The following RUNX1 variants were observed in gnomAD, a reference collection of about 807,000 sequenced individuals.
RUNX1 encodes the protein runt-related transcription factor 1.
RUNX1 carries 19 observed loss-of-function variants against 42.8 expected under a neutral mutation model. The observed-to-expected ratio is 0.44, with a 90% CI of 0.31 to 0.65. The LOEUF is 0.65. RUNX1 is among the 30% of genes least tolerant of loss of function. The pLI, the probability that RUNX1 is intolerant of heterozygous loss-of-function variation, is 0.07. For synonymous variants in RUNX1, 271 were observed against 289.4 expected (o/e 0.94, Z 0.64); for missense variants, 528 against 672.0 (o/e 0.79, Z 2.37).
Position 34,792,131 on chromosome 21 carries a change from C to T in RUNX1, c.*4G>A, listed in dbSNP as rs770363800. On this transcript the variant is annotated 3_prime_UTR_variant, in exon 9 of 9. Coordinates refer to ENST00000675419, the MANE Select transcript of RUNX1 (RefSeq NM_001754.5). The surrounding 1 kb of genome is among the most constrained non-coding windows in gnomAD (Gnocchi z 6.9). ...CGGGGCCCAGCCGGGCCAGGCCTGG[C>T]GCCTCAGTAGGGCCTCCACACGGCC... 3 of 1,434,898 alleles carry T rather than the reference C, an allele frequency of 2.1e-6. No individual in the cohort carries two copies. The highest frequency in any genetic ancestry group is 2.7e-6 in the Non-Finnish European group (3 of 1,104,122). The allele number at this position is 1,434,898 out of a possible 1,614,324, so 88.9% of individuals were successfully genotyped here. A position where few individuals can be genotyped will look rare whatever the true frequency, so the allele number is the denominator to read the frequency against.
At chr21:34,821,730 C>T (rs749354788) in intron 7 of RUNX1, 6 of 1,540,060 alleles carry the variant, frequency 3.9e-6, no homozygotes, top group African/African-American at 1.4e-5. Context: ...GGAGAAAGTT[C>T]GAAAATAAGG....
chr21:35,038,554 G>A lies in RUNX1; in HGVS notation c.58+10288C>T, dbSNP rs7275643. ...AAGTCCCAATGGATTCCCTAAGCAT[G>A]GGAATTTTGAATGCTGGCCTCTCTC... On this transcript the variant is annotated intron_variant, in intron 2 of 8. Coordinates refer to ENST00000675419, the MANE Select transcript of RUNX1 (RefSeq NM_001754.5). The A allele has an allele frequency of 6.9e-3, 3,096 of 451,268 alleles. 54 individuals are homozygous for A. Among genetic ancestry groups the A allele is most frequent in the African/African-American group, 0.047 (2,292 of 48,272 alleles). 28.0% of individuals were successfully genotyped at this position (451,268 alleles called of 1,614,324 possible).
chr21:34,972,145 T>C (rs1288813629), intron 2 of RUNX1, among the ~76,000 whole-genome samples: 1 of 152,196 alleles, frequency 6.6e-6, no homozygotes, highest in African/African-American at 2.4e-5. Context: ...CCAGAAAAAC[T>C]GGAAATTTCA....
At chr21:35,002,188 G>A (rs2059049344) in intron 2 of RUNX1, among the ~76,000 whole-genome samples, 1 of 151,600 alleles carries the variant, frequency 6.6e-6, no homozygotes, top group African/African-American at 2.4e-5. Context: ...TGCACTTGCT[G>A]TTTCTCCTTC....
chr21:34,968,107 G>A (rs1235205146), intron 2 of RUNX1, among the ~76,000 whole-genome samples: 2 of 152,210 alleles, frequency 1.3e-5, no homozygotes, highest in African/African-American at 4.8e-5. Flanking sequence ...GAGGCAGGTT[G>A]CAGAGTTGTT....
intron 2 of RUNX1, among the ~76,000 whole-genome samples, chr21:34,932,977 C>T (rs751372759): frequency 6.6e-6 from 1 of 152,194 alleles, no homozygotes; most frequent in Non-Finnish European, 1.5e-5. Flanking sequence ...CACTTCTACT[C>T]CTATTTCTCA....
intron 6 of RUNX1, among the ~76,000 whole-genome samples, chr21:34,854,344 T>G (rs952666998): frequency 7.9e-5 from 12 of 151,996 alleles, no homozygotes; most frequent in African/African-American, 2.7e-4. Context: ...AAAACAAAAA[T>G]CAGACAGAAA....
At chr21:34,859,889 C>G (rs1374099069) in intron 5 of RUNX1, among the ~76,000 whole-genome samples, 1 of 152,220 alleles carries the variant, frequency 6.6e-6, no homozygotes, top group Non-Finnish European at 1.5e-5. Flanking sequence ...TGGCAGCTCT[C>G]CACTTCTGGT....
At chr21:34,815,790 A>T (rs2056817231) in intron 7 of RUNX1, among the ~76,000 whole-genome samples, 1 of 152,174 alleles carries the variant, frequency 6.6e-6, no homozygotes. Context: ...GTCAGGATTC[A>T]GAAGGCAGCC....
intron 7 of RUNX1, chr21:34,821,779 T>C: frequency 8.3e-7 from 1 of 1,203,950 alleles, no homozygotes. Context: ...TCCCCTCCCC[T>C]ACCCCAAGGC....
At chr21:34,834,166 A>G in intron 7 of RUNX1, 1 of 697,200 alleles carries the variant, frequency 1.4e-6, no homozygotes, top group Non-Finnish European at 2.6e-6. Context: ...TATCCTCTGT[A>G]GCAGTGCTTT....
intron 7 of RUNX1, among the ~76,000 whole-genome samples, chr21:34,809,834 A>C (rs2056734456): frequency 6.6e-6 from 1 of 152,218 alleles, no homozygotes; most frequent in Admixed American, 6.5e-5. Flanking sequence ...CGCAAGAAAA[A>C]AAAAGAAGTG....
At chr21:35,001,309 TA>T (rs1297113629) in intron 2 of RUNX1, among the ~76,000 whole-genome samples, 144 of 7,672 alleles carry the variant, frequency 0.019, 2 homozygotes, top group East Asian at 0.073. Flanking sequence ...GTTATGGTTT[TA>T]TATATATATA....
In RUNX1 at chr21:34,788,551, C is replaced by T. The variant is rs1371881884; in HGVS notation, c.*3584G>A. 4.3e-6 allele frequency: 1 copy of T among 232,694 alleles called. No individual in the cohort carries two copies. The highest frequency in any genetic ancestry group is 5.6e-5 in the Admixed American group (1 of 17,754). 14.4% of individuals were successfully genotyped at this position (232,694 alleles called of 1,614,324 possible). ...CTAAGAAAAAGTCCTTAGAAACACA[C>T]ACAAAAAAATTGAAAAAAAGTTATA... On this transcript the variant is annotated 3_prime_UTR_variant, in exon 9 of 9. Coordinates refer to ENST00000675419, the MANE Select transcript of RUNX1 (RefSeq NM_001754.5).
intron 2 of RUNX1, among the ~76,000 whole-genome samples, chr21:34,958,633 T>A (rs2058662198): frequency 6.6e-6 from 1 of 152,184 alleles, no homozygotes; most frequent in Non-Finnish European, 1.5e-5. Flanking sequence ...ATTGTTGAAG[T>A]CAGTGTGGTG....
chr21:34,829,327 C>T (rs971305266), intron 7 of RUNX1, among the ~76,000 whole-genome samples: 2 of 152,172 alleles, frequency 1.3e-5, no homozygotes, highest in Admixed American at 1.3e-4. Flanking sequence ...TACATATTTA[C>T]AAGCATAAGG....
intron 7 of RUNX1, among the ~76,000 whole-genome samples, chr21:34,832,231 G>A (rs1398286004): frequency 6.6e-6 from 1 of 152,110 alleles, no homozygotes; most frequent in African/African-American, 2.4e-5. Context: ...CCCATCACAC[G>A]GTCCACAATA....
intron 7 of RUNX1, among the ~76,000 whole-genome samples, chr21:34,830,495 T>C (rs1205563339): frequency 6.6e-6 from 1 of 152,072 alleles, no homozygotes; most frequent in Non-Finnish European, 1.5e-5. Flanking sequence ...GCCAAGTGAG[T>C]GGATAGCCCA....
At chr21:34,865,459 G>A (rs2057647760) in intron 5 of RUNX1, among the ~76,000 whole-genome samples, 1 of 152,184 alleles carries the variant, frequency 6.6e-6, no homozygotes, top group Admixed American at 6.5e-5. Context: ...AAACAAGCCA[G>A]GCCAGTGCTC....
Sources: allele counts gnomAD v4.1 joint callset (sites outside exome capture counted in the v4.1 genomes callset), GRCh38; gene constraint gnomAD v4.1.1; non-coding constraint Gnocchi (gnomAD v3.1); transcripts MANE v1.5; gene names NCBI Gene and HGNC (gene_info 2026-07-23, HGNC 2026-07-21).